Variants in TRANK1 observed in about 807,000 individuals in gnomAD.
TRANK1 encodes tetratricopeptide repeat and ankyrin repeat containing 1, also known as TPR and ankyrin repeat-containing protein 1.
In TRANK1, 198 loss-of-function variants were observed where a neutral mutation model predicts 266.0. The ratio of observed to expected loss-of-function variants is 0.74; its 90% CI spans 0.66 to 0.84. The LOEUF (loss-of-function observed/expected upper bound fraction) is 0.84. Ranked by LOEUF, TRANK1 falls within the 40% of genes least tolerant of loss-of-function variation. The probability of loss-of-function intolerance (pLI) is 0.00; values close to 1 mark genes in which losing one functional copy is unlikely to be tolerated. For synonymous variants in TRANK1, 1,396 were observed against 1,384.1 expected (o/e 1.01, Z -0.19); for missense variants, 3,326 against 3,634.6 (o/e 0.92, Z 2.18).
At position 36,846,395 on chromosome 3, in the gene TRANK1, C is replaced by T. The variant is rs371298287; in HGVS notation, c.5044G>A (p.Gly1682Arg). The change falls in exon 17 of 24, where the codon GGA becomes AGA. Residue 1682 changes from glycine (G) to arginine (R), a missense_variant. Coordinates refer to ENST00000645898, the MANE Select transcript of TRANK1 (RefSeq NM_001329998.2). The stretch of plus-strand genomic sequence containing the variant: ...GCGGTGTACAGCTGCTTCAGCTCTC[C>T]GTTGAGGAGCTAAAGATAACATTGA... ...VNPEMYKLLN[G>R]ELKQLYTAIT... 6.5e-5 allele frequency: 105 copies of T among 1,611,890 alleles called. No individual in the cohort carries two copies. The highest frequency in any genetic ancestry group is 8.0e-5 in the Non-Finnish European group (94 of 1,178,902).
At chr3:36,877,555 A>G (rs974851688) in intron 8 of TRANK1, among the ~76,000 whole-genome samples, 3 of 152,212 alleles carry the variant, frequency 2.0e-5, no homozygotes, top group Admixed American at 2.0e-4. Context: ...ACTAAAATAC[A>G]TTTAACCATC....
chr3:36,869,052 G>A (rs1330085149), intron 9 of TRANK1, among the ~76,000 whole-genome samples: 1 of 152,224 alleles, frequency 6.6e-6, no homozygotes, highest in Non-Finnish European at 1.5e-5. Flanking sequence ...GCTGCCATCT[G>A]GTGGTGGCTA....
At chr3:36,879,888 A>G (rs1207431909) in intron 8 of TRANK1, among the ~76,000 whole-genome samples, 6 of 91,938 alleles carry the variant, frequency 6.5e-5, no homozygotes, top group South Asian at 3.4e-4. Context: ...ATATATGTAA[A>G]CATGCAAATA....
intron 9 of TRANK1, among the ~76,000 whole-genome samples, chr3:36,873,159 G>T (rs77370184): frequency 6.6e-6 from 1 of 152,172 alleles, no homozygotes; most frequent in African/African-American, 2.4e-5. Flanking sequence ...TGGGAGGCAG[G>T]GGGGAGTGTA....
chr3:36,899,174 A>G lies in TRANK1; in HGVS notation c.368T>C (p.Val123Ala). 1 of 1,537,276 alleles carries G rather than the reference A, an allele frequency of 6.5e-7. No homozygotes were observed. Among genetic ancestry groups the G allele is most frequent in the Non-Finnish European group, 8.7e-7 (1 of 1,146,914 alleles). ...CGGTGCCTGGTCTTGGCTTCTCTGC[A>G]CAAGTCGCAGACCCTCAAAAAACAT... ...ARMFFEGLRL[V>A]QRSQDQAPVA... The change falls in exon 4 of 24, where the codon GTG (valine) becomes GCG (alanine). Residue 123 changes from valine (V) to alanine (A), a missense_variant. By Grantham distance (64) the Val-to-Ala change is moderately conservative. Transcript: ENST00000645898.
intron 8 of TRANK1, among the ~76,000 whole-genome samples, chr3:36,879,717 A>AAT (rs1395045154): frequency 1.9e-5 from 2 of 106,550 alleles, no homozygotes; most frequent in African/African-American, 3.9e-5. Context: ...TAAATATATA[A>AAT]ATATATAAAT....
rs769857817 is a variant in TRANK1 at position 36,855,299 on chromosome 3, C to T, written c.4423G>A (p.Ala1475Thr). The T allele has an allele frequency of 1.2e-6, 2 of 1,613,934 alleles. No homozygotes were observed. The highest frequency in any genetic ancestry group is 1.3e-5 in the African/African-American group (1 of 74,928). Residue 1475 changes from alanine (A) to threonine (T), a missense_variant, in exon 13 of 24, where the codon GCC (alanine) becomes ACC (threonine). Ala to Thr is a moderately conservative substitution (Grantham distance 58). Coordinates refer to ENST00000645898, the MANE Select transcript of TRANK1 (RefSeq NM_001329998.2). ...GAGCGCAGATCGCTGAAGCGGAAGGCCACGCCCTTCATGATGCTCTGGGCC... is the reference window on the plus strand; with the variant it reads ...GAGCGCAGATCGCTGAAGCGGAAGGTCACGCCCTTCATGATGCTCTGGGCC... The part of the protein sequence containing the change: ...DTAQSIMKGV[A>T]FRFSDLRSLF...
At chr3:36,908,896 A>G (rs1358145107) in intron 1 of TRANK1, among the ~76,000 whole-genome samples, 1 of 152,184 alleles carries the variant, frequency 6.6e-6, no homozygotes, top group Non-Finnish European at 1.5e-5. Flanking sequence ...TGCTGATGGC[A>G]TTTCCCATTT....
chr3:36,857,042 C>T lies in TRANK1; in HGVS notation c.2680G>A (p.Asp894Asn), dbSNP rs2079066385. 1 of 1,613,908 alleles carries T rather than the reference C, an allele frequency of 6.2e-7. No individual in the cohort carries two copies. Among genetic ancestry groups the T allele is most frequent in the Non-Finnish European group, 8.5e-7 (1 of 1,179,898 alleles). ...GSIQLFEAKL[D>N]KGARMLWELA... ...TCCCAGAGCATCCGGGCTCCTTTGT[C>T]CAGCTTAGCTTCGAAGAGCTGGATG... is the stretch of plus-strand genomic sequence containing the variant. The change falls in exon 13 of 24, where the codon GAC becomes AAC. Residue 894 changes from aspartate (D) to asparagine (N), a missense_variant. Coordinates refer to ENST00000645898, the MANE Select transcript of TRANK1 (RefSeq NM_001329998.2). This position sits in a 1 kb window ranked among gnomAD's most constrained non-coding sequence, Gnocchi z 4.3.
chr3:36,940,104 C>T (rs574879378), intron 1 of TRANK1, among the ~76,000 whole-genome samples: 37 of 151,656 alleles, frequency 2.4e-4, no homozygotes, highest in East Asian at 8.0e-4. Flanking sequence ...GTTGGCCAGG[C>T]TGGTCTCGAA....
chr3:36,855,198 C>T lies in TRANK1; in HGVS notation c.4524G>A (p.Leu1508=). ...CTGAGTGGGACCTGTAATTCTGGTA[C>T]AGCTGGTGGATCTTCTTGGGCTTCC... The part of the protein sequence containing the change: ...AVRKPKKIHQ[L]YQNYRSHSGI... The change falls in exon 13 of 24, where the codon CTG becomes CTA. Residue 1508 remains leucine, a synonymous_variant. Transcript: ENST00000645898. The T allele has an allele frequency of 6.2e-7, 1 of 1,612,468 alleles. No individual in the cohort carries two copies. Among genetic ancestry groups the T allele is most frequent in the Non-Finnish European group, 8.5e-7 (1 of 1,178,696 alleles).
Position 36,855,509 on chromosome 3 carries a change from T to C in TRANK1, c.4213A>G (p.Lys1405Glu). ...FSLYQQIRSQ[K>E]GYFDEEDVLY... ...ACATCCTCTTCATCAAAATAACCTT[T>C]CTGGGACCTGATTTGCTGATACAGA... Residue 1405 changes from lysine (K) to glutamate (E), a missense_variant, in exon 13 of 24, where the codon AAA becomes GAA. Coordinates refer to ENST00000645898, the MANE Select transcript of TRANK1 (RefSeq NM_001329998.2). The C allele has an allele frequency of 1.2e-6, 2 of 1,613,908 alleles. No individual in the cohort carries two copies. Among genetic ancestry groups the C allele is most frequent in the Non-Finnish European group, 1.7e-6 (2 of 1,179,872 alleles).
chr3:36,874,300 G>C lies in TRANK1; in HGVS notation c.908-4C>G. ...ATCTGCACATCCTCTGTTTGTCCTA[G>C]GGCAGGCCAAAATGAGAAGGGGTGT... On this transcript the variant is annotated splice_polypyrimidine_tract_variant and splice_region_variant and intron_variant, in intron 8 of 23. Coordinates refer to ENST00000645898, the MANE Select transcript of TRANK1 (RefSeq NM_001329998.2). 5 of 1,535,588 alleles carry C rather than the reference G, an allele frequency of 3.3e-6. No individual in the cohort carries two copies. The South Asian group carries it at 6.0e-5, about 18-fold the overall frequency.
chr3:36,873,855 G>T (rs187283999), intron 9 of TRANK1, among the ~76,000 whole-genome samples: 2 of 132,736 alleles, frequency 1.5e-5, no homozygotes, highest in Admixed American at 7.9e-5. Context: ...GTACATGCAT[G>T]GGAAAAAAAA....
intron 1 of TRANK1, among the ~76,000 whole-genome samples, chr3:36,926,909 C>G (rs2080295997): frequency 6.6e-6 from 1 of 152,184 alleles, no homozygotes; most frequent in Non-Finnish European, 1.5e-5. Context: ...CCTTATTTGT[C>G]AGGCCAGGCC....
In TRANK1 at chr3:36,904,677, G is replaced by C. The variant is rs2079936288; in HGVS notation, c.156-1402C>G. On this transcript the variant is annotated intron_variant, in intron 2 of 23. Transcript: ENST00000645898. ...CCCCACCCTCGATGTTTTGTGTCTG[G>C]CTTCTTTCATGGCCCAACATTCCCT... Among the ~76,000 whole-genome samples the C allele has an allele frequency of 2.6e-5, 4 of 152,058 alleles. 1 individual carries two copies. In the South Asian group the frequency reaches 8.3e-4, roughly 32 times the overall value.
At chr3:36,851,130 T>C (rs2078979775) in intron 15 of TRANK1, 9 of 985,512 alleles carry the variant, frequency 9.1e-6, no homozygotes, top group Non-Finnish European at 1.1e-5. Context: ...AGTGGACCAA[T>C]ACAGAGGTCA....
At chr3:36,929,448 T>C (rs2080332113) in intron 1 of TRANK1, 1 of 152,170 alleles carries the variant, frequency 6.6e-6, no homozygotes, top group South Asian at 2.1e-4. Flanking sequence ...AGTCAGGTAC[T>C]AACATGAAAG....
rs895833876 is a variant in TRANK1, at chr3:36,856,338, T to G, written c.3384A>C (p.Pro1128=). The G allele has an allele frequency of 3.9e-5, 62 of 1,573,852 alleles. No homozygotes were observed. The highest frequency in any genetic ancestry group is 5.3e-5 in the Non-Finnish European group (62 of 1,159,776). ...CTTCCTCCTCCTCTTCCTCCCCACCTGGACTCTCTTTTCCGGGTTCCACTT... is the reference window on the plus strand; with the variant it reads ...CTTCCTCCTCCTCTTCCTCCCCACCGGGACTCTCTTTTCCGGGTTCCACTT... ...RLEVEPGKES[P]GGEEEEEEED... Residue 1128 remains proline, a synonymous_variant, in exon 13 of 24, where the codon CCA becomes CCC. Transcript: ENST00000645898.
Sources: allele counts gnomAD v4.1 joint callset (sites outside exome capture counted in the v4.1 genomes callset), GRCh38; gene constraint gnomAD v4.1.1; non-coding constraint Gnocchi (gnomAD v3.1); transcripts MANE v1.5; gene names NCBI Gene and HGNC (gene_info 2026-07-23, HGNC 2026-07-21).